Variants in KPNA5 observed in about 807,000 individuals in gnomAD.
The protein encoded by KPNA5 is karyopherin subunit alpha 5, also known as importin subunit alpha-6.
In KPNA5, 46 loss-of-function variants were observed where a neutral mutation model predicts 71.3. The observed-to-expected ratio is 0.65, with a 90% CI of 0.51 to 0.83. KPNA5 has a LOEUF of 0.83. Ranked by LOEUF, KPNA5 falls within the 40% of genes least tolerant of loss-of-function variation. KPNA5 has a pLI of 0.00. For missense variants in KPNA5, 547 were observed against 628.3 expected (o/e 0.87, Z 1.38); for synonymous variants, 207 against 201.4 (o/e 1.03, Z -0.24).
At chr6:116,694,894 C>T (rs533584655) in intron 4 of KPNA5, among the ~76,000 whole-genome samples, 45 of 152,092 alleles carry the variant, frequency 3.0e-4, no homozygotes, top group Admixed American at 5.9e-4. Context: ...AATTTATGCT[C>T]CCATCTTCAG....
Position 116,741,435 on chromosome 6 carries a change from C to G in KPNA5, c.*9112C>G, listed in dbSNP as rs922574350. On this transcript the variant is annotated 3_prime_UTR_variant, in exon 14 of 14. Transcript: ENST00000368564. ...AACAATAGTTGACATTTTCAGAGTA[C>G]TTGTTAAGTGAATTTTAACAAAATA... The G allele has an allele frequency of 2.1e-4, 32 of 152,042 alleles. 1 individual carries two copies. The highest frequency in any genetic ancestry group is 2.0e-3 in the Admixed American group (31 of 15,224). 9.4% of individuals were successfully genotyped at this position (152,042 alleles called of 1,614,324 possible). A position where few individuals can be genotyped will look rare whatever the true frequency, so the allele number is the denominator to read the frequency against.
In KPNA5 at chr6:116,681,292, C is replaced by G. The variant is rs1447673042; in HGVS notation, c.-43C>G. 4.3e-6 allele frequency: 7 copies of G among 1,609,898 alleles called. No individual in the cohort carries two copies. In the Admixed American group the frequency reaches 1.2e-4, roughly 27 times the overall value. On this transcript the variant is annotated 5_prime_UTR_variant, in exon 1 of 14. Transcript: ENST00000368564. ...TTCTGTTACCCGCCACACACGTCGC[C>G]GCTGGGGACTGGGAAATCAGGGCAT...
At chr6:116,703,498 G>A (rs1165369) in intron 6 of KPNA5, among the ~76,000 whole-genome samples, 9,978 of 151,936 alleles carry the variant, frequency 0.066, 449 homozygotes, top group Admixed American at 0.16. Flanking sequence ...CCTGACTTCA[G>A]GTGATCTGCC....
At chr6:116,712,960 T>G (rs1424597703) in intron 7 of KPNA5, among the ~76,000 whole-genome samples, 1 of 152,294 alleles carries the variant, frequency 6.6e-6, no homozygotes, top group East Asian at 1.9e-4. Context: ...AAAACACTAC[T>G]CCTATACATA....
At chr6:116,707,020 C>T (rs190389799) in intron 7 of KPNA5, among the ~76,000 whole-genome samples, 30 of 151,628 alleles carry the variant, frequency 2.0e-4, no homozygotes, top group African/African-American at 6.5e-4. Flanking sequence ...AAAAATTAGC[C>T]AGGCGTGGTG....
intron 7 of KPNA5, among the ~76,000 whole-genome samples, chr6:116,715,086 GAC>G (rs1562447357): frequency 6.6e-6 from 1 of 152,138 alleles, no homozygotes; most frequent in Non-Finnish European, 1.5e-5. Context: ...ACTTGATTCT[GAC>G]AGTGTTTGCA....
rs1414564627 is a variant in KPNA5 at position 116,736,593 on chromosome 6, A to G, written c.*4270A>G. On this transcript the variant is annotated 3_prime_UTR_variant, in exon 14 of 14. Coordinates refer to ENST00000368564, the MANE Select transcript of KPNA5 (RefSeq NM_001366306.2). The stretch of plus-strand genomic sequence containing the variant: ...CATATTTTACACCCCAAAGCAACCA[A>G]TTCTTGTTCTTGGAGTTAGCTGAGC... The G allele has an allele frequency of 6.6e-6, 1 of 151,990 alleles. No individual in the cohort carries two copies. Among genetic ancestry groups the G allele is most frequent in the Admixed American group, 6.6e-5 (1 of 15,220 alleles). The allele number at this position is 151,990 out of a possible 1,614,324, so 9.4% of individuals were successfully genotyped here.
intron 10 of KPNA5, among the ~76,000 whole-genome samples, chr6:116,725,155 T>G (rs1779246894): frequency 6.6e-6 from 1 of 152,188 alleles, no homozygotes; most frequent in Non-Finnish European, 1.5e-5. Flanking sequence ...TAATTTTCAG[T>G]TGGATTTCCA....
chr6:116,692,544 T>C, intron 4 of KPNA5, 152 bp downstream of exon 4: 2 of 574,154 alleles, frequency 3.5e-6, no homozygotes, highest in Non-Finnish European at 6.1e-6. Context: ...AACATCCGTT[T>C]TTGAACATGA....
At chr6:116,715,666 C>T (rs1379986774) in intron 7 of KPNA5, among the ~76,000 whole-genome samples, 1 of 152,048 alleles carries the variant, frequency 6.6e-6, no homozygotes, top group Non-Finnish European at 1.5e-5. Flanking sequence ...GCCTGTAATC[C>T]TAGCACTTTG....
In KPNA5 at chr6:116,734,102, GTA is replaced by G. The variant is rs1438854406; in HGVS notation, c.*1781_*1782del. On this transcript the variant is annotated 3_prime_UTR_variant, in exon 14 of 14. Coordinates refer to ENST00000368564, the MANE Select transcript of KPNA5 (RefSeq NM_001366306.2). ...AAAATGGTTTTCTTTTGCATTATCT[GTA>G]TTCAAAAAACAGGGTAGTTATATTA... is the stretch of plus-strand genomic sequence containing the variant. 6.6e-6 allele frequency: 1 copy of G among 151,596 alleles called. No individual in the cohort carries two copies. Among genetic ancestry groups the G allele is most frequent in the Non-Finnish European group, 1.5e-5 (1 of 67,696 alleles). The allele number at this position is 151,596 out of a possible 1,614,324, so 9.4% of individuals were successfully genotyped here. A position where few individuals can be genotyped will look rare whatever the true frequency, so the allele number is the denominator to read the frequency against.
chr6:116,706,677 G>A lies in KPNA5; in HGVS notation c.656+1517G>A, dbSNP rs533648420. ...GCACTCCAGCCTGGGCAACAAGAGC[G>A]AAACTCCATTTCAGATAATAATAAT... is the stretch of plus-strand genomic sequence containing the variant. On this transcript the variant is annotated intron_variant, in intron 7 of 13. Coordinates refer to ENST00000368564, the MANE Select transcript of KPNA5 (RefSeq NM_001366306.2). 9.9e-5 allele frequency among the ~76,000 whole-genome samples: 15 copies of A among 151,882 alleles called. 1 individual carries two copies. The South Asian group carries it at 1.2e-3, about 13-fold the overall frequency.
chr6:116,683,665 C>T lies in KPNA5; in HGVS notation c.4+2327C>T, dbSNP rs546235249. 3.3e-4 allele frequency among the ~76,000 whole-genome samples: 50 copies of T among 151,282 alleles called. 1 individual carries two copies. Among genetic ancestry groups the T allele is most frequent in the South Asian group, 2.5e-3 (12 of 4,788 alleles). On this transcript the variant is annotated intron_variant, in intron 1 of 13. Transcript: ENST00000368564. ...CATGATCTTGGCTCACTGCAAGTTC[C>T]GCCTCCCGGGGTTCATGCCAGGAGT...
chr6:116,728,706 C>T (rs908395858), intron 12 of KPNA5, among the ~76,000 whole-genome samples: 1 of 151,950 alleles, frequency 6.6e-6, no homozygotes, highest in African/African-American at 2.4e-5. Flanking sequence ...CTTACAACTA[C>T]TCTCTGAAGT....
rs764537552 is a variant in KPNA5 at position 116,732,326 on chromosome 6, T to A, written c.*3T>A. The A allele has an allele frequency of 3.4e-6, 5 of 1,479,044 alleles. No individual in the cohort carries two copies. The South Asian group carries it at 7.3e-5, about 22-fold the overall frequency. The allele number at this position is 1,479,044 out of a possible 1,614,324, so 91.6% of individuals were successfully genotyped here. A position where few individuals can be genotyped will look rare whatever the true frequency, so the allele number is the denominator to read the frequency against. ...CAATGGATGGATTTCAACTTTAACTTACTGGAGGAAAAAAAATTTATGGCT... is the reference window on the plus strand; with the variant it reads ...CAATGGATGGATTTCAACTTTAACTAACTGGAGGAAAAAAAATTTATGGCT... On this transcript the variant is annotated 3_prime_UTR_variant, in exon 14 of 14. Transcript: ENST00000368564.
chr6:116,726,513 A>G lies in KPNA5; in HGVS notation c.1144A>G (p.Ile382Val), dbSNP rs749873134. The change falls in exon 12 of 14, where the codon ATT (isoleucine) becomes GTT (valine). Residue 382 changes from isoleucine (I) to valine (V), a missense_variant. Ile to Val is a conservative substitution (Grantham distance 29). Transcript: ENST00000368564. ...CTCTCAGGCTGTTATAGATGCAAAT[A>G]TTTTTCCTGTTTTGATTGAGATTCT... ...AQIQAVIDAN[I>V]FPVLIEILQK... The G allele has an allele frequency of 1.2e-6, 2 of 1,611,578 alleles. No homozygotes were observed. Among genetic ancestry groups the G allele is most frequent in the Admixed American group, 1.7e-5 (1 of 59,866 alleles).
In KPNA5 at chr6:116,739,369, A is replaced by C. The variant is rs557852851; in HGVS notation, c.*7046A>C. 2 of 152,276 alleles carry C rather than the reference A, an allele frequency of 1.3e-5. No homozygotes were observed. Among genetic ancestry groups the C allele is most frequent in the South Asian group, 4.2e-4 (2 of 4,812 alleles). The allele number at this position is 152,276 out of a possible 1,614,324, so 9.4% of individuals were successfully genotyped here. A position where few individuals can be genotyped will look rare whatever the true frequency, so the allele number is the denominator to read the frequency against. On this transcript the variant is annotated 3_prime_UTR_variant, in exon 14 of 14. Transcript: ENST00000368564. ...AAAGAGGATACAAAGAAATGGAAGA[A>C]CATTCCATGCTCATGGGTAGGAAGA...
rs749873134 is a variant in KPNA5, at chr6:116,726,513, A to C, written c.1144A>C (p.Ile382Leu). 2 of 1,611,696 alleles carry C rather than the reference A, an allele frequency of 1.2e-6. No homozygotes were observed. The highest frequency in any genetic ancestry group is 1.1e-5 in the South Asian group (1 of 90,878). ...CTCTCAGGCTGTTATAGATGCAAAT[A>C]TTTTTCCTGTTTTGATTGAGATTCT... The part of the protein sequence containing the change: ...AQIQAVIDAN[I>L]FPVLIEILQK... Residue 382 changes from isoleucine to leucine, a missense_variant, in exon 12 of 14, where the codon ATT (isoleucine) becomes CTT (leucine). By Grantham distance (5) the Ile-to-Leu change is conservative. Coordinates refer to ENST00000368564, the MANE Select transcript of KPNA5 (RefSeq NM_001366306.2).
intron 6 of KPNA5, among the ~76,000 whole-genome samples, chr6:116,703,716 T>A (rs374668595): frequency 2.0e-5 from 3 of 152,234 alleles, no homozygotes; most frequent in Middle Eastern, 3.4e-3. Flanking sequence ...AACAAAAAAA[T>A]CTTAGGTCTA....
Sources: allele counts gnomAD v4.1 joint callset (sites outside exome capture counted in the v4.1 genomes callset), GRCh38; gene constraint gnomAD v4.1.1; transcripts MANE v1.5; gene names NCBI Gene and HGNC (gene_info 2026-07-23, HGNC 2026-07-21).